Variants in SEMA6D observed in about 807,000 individuals in gnomAD.
SEMA6D encodes the protein semaphorin 6D, also known as semaphorin-6D.
In SEMA6D, 35 loss-of-function variants were observed where a neutral mutation model predicts 106.6. The ratio of observed to expected loss-of-function variants is 0.33; its 90% CI spans 0.25 to 0.44. SEMA6D has a LOEUF of 0.44. SEMA6D is among the 20% of genes least tolerant of loss of function. The pLI is 1.00. For missense variants in SEMA6D, 1,185 were observed against 1,345.9 expected (o/e 0.88, Z 1.87); for synonymous variants, 499 against 487.7 (o/e 1.02, Z -0.31).
At chr15:47,672,166 G>A (rs1415822151) in intron 4 of SEMA6D, among the ~76,000 whole-genome samples, 2 of 152,118 alleles carry the variant, frequency 1.3e-5, no homozygotes, top group Non-Finnish European at 2.9e-5. Flanking sequence ...TAAGCGACTT[G>A]CCAGAGGTCT....
At chr15:47,683,858 C>T (rs1054403265) in intron 4 of SEMA6D, among the ~76,000 whole-genome samples, 8 of 152,096 alleles carry the variant, frequency 5.3e-5, no homozygotes, top group African/African-American at 1.9e-4. Flanking sequence ...GAGTTCAGGC[C>T]TTATAATGTA....
At position 47,771,477 on chromosome 15, in the gene SEMA6D, C is replaced by T. The variant is rs2082625031; in HGVS notation, c.2914C>T (p.His972Tyr). The change falls in exon 19 of 19, where the codon CAC (histidine) becomes TAC (tyrosine). Residue 972 changes from histidine to tyrosine, a missense_variant. His to Tyr is a moderately conservative substitution (Grantham distance 83, BLOSUM62 2). This residue lies in a region of SEMA6D where 750 missense variants were observed against 783.5 expected (regional missense o/e 0.96). Coordinates refer to ENST00000536845, the MANE Select transcript of SEMA6D (RefSeq NM_001358351.3). ...TTATCACAAAAATTCCTCCCAGAGGCACTCTATATCTGCTATGCCTAAAAA... is the reference window on the plus strand; with the variant it reads ...TTATCACAAAAATTCCTCCCAGAGGTACTCTATATCTGCTATGCCTAAAAA... The part of the protein sequence containing the change: ...RGYHKNSSQR[H>Y]SISAMPKNLN... 1 of 1,614,002 alleles carries T rather than the reference C, an allele frequency of 6.2e-7. No individual in the cohort carries two copies. The highest frequency in any genetic ancestry group is 1.3e-5 in the African/African-American group (1 of 74,936).
At chr15:47,231,857 CAT>C (rs2032218157) in intron 1 of SEMA6D, among the ~76,000 whole-genome samples, 2 of 151,962 alleles carry the variant, frequency 1.3e-5, no homozygotes, top group African/African-American at 4.8e-5. Context: ...ATTCACATAA[CAT>C]AAAATTTATC....
At chr15:47,557,949 A>G (rs755249101) in intron 3 of SEMA6D, among the ~76,000 whole-genome samples, 1 of 152,124 alleles carries the variant, frequency 6.6e-6, no homozygotes, top group Non-Finnish European at 1.5e-5. Context: ...TACAATTCTG[A>G]TGAAGCCTAT....
intron 3 of SEMA6D, among the ~76,000 whole-genome samples, chr15:47,567,061 G>A (rs1428786573): frequency 6.6e-6 from 1 of 152,196 alleles, no homozygotes; most frequent in East Asian, 1.9e-4. Flanking sequence ...TCTGCCACCA[G>A]TATTTATAGT....
chr15:47,408,081 T>G (rs572808453), intron 1 of SEMA6D, among the ~76,000 whole-genome samples: 22 of 152,268 alleles, frequency 1.4e-4, no homozygotes, highest in African/African-American at 5.1e-4. Context: ...AAATCCCCTT[T>G]CTCAGTAAAT....
intron 3 of SEMA6D, among the ~76,000 whole-genome samples, chr15:47,497,254 T>C (rs961030747): frequency 2.0e-5 from 3 of 152,086 alleles, no homozygotes; most frequent in Non-Finnish European, 4.4e-5. Flanking sequence ...CCACTTTTAC[T>C]TTGGCATTTT....
chr15:47,765,360 A>G (rs913297477), intron 13 of SEMA6D: 2 of 1,158,018 alleles, frequency 1.7e-6, no homozygotes, highest in Non-Finnish European at 2.1e-6. Context: ...TACATGCAGC[A>G]GACAGCTGTG....
chr15:47,566,902 T>G (rs1469554302), intron 3 of SEMA6D, among the ~76,000 whole-genome samples: 1 of 125,254 alleles, frequency 8.0e-6, no homozygotes, highest in Non-Finnish European at 1.9e-5. Flanking sequence ...TTTGTTTATT[T>G]AAGAATAAAA....
At chr15:47,683,703 C>G (rs1228647883) in intron 4 of SEMA6D, among the ~76,000 whole-genome samples, 1 of 152,166 alleles carries the variant, frequency 6.6e-6, no homozygotes, top group Non-Finnish European at 1.5e-5. Context: ...ATATATAACA[C>G]ACACAAACGA....
intron 3 of SEMA6D, among the ~76,000 whole-genome samples, chr15:47,479,443 A>G (rs2043089765): frequency 6.6e-6 from 1 of 152,142 alleles, no homozygotes. Context: ...GGCTAGACCC[A>G]GTCACTGATA....
chr15:47,277,285 A>G (rs1035339188), intron 1 of SEMA6D, among the ~76,000 whole-genome samples: 1 of 152,166 alleles, frequency 6.6e-6, no homozygotes. Context: ...ATTGACTCCA[A>G]TTTTGAAAGA....
At chr15:47,461,088 G>A (rs779054514) in intron 2 of SEMA6D, among the ~76,000 whole-genome samples, 19 of 152,172 alleles carry the variant, frequency 1.2e-4, no homozygotes, top group African/African-American at 3.9e-4. Flanking sequence ...ATGCCAATGC[G>A]TTTGTACTTG....
At chr15:47,715,574 C>T (rs144855559), upstream of SEMA6D, among the ~76,000 whole-genome samples, 1,946 of 152,244 alleles carry the variant, frequency 0.013, 33 homozygotes, top group African/African-American at 0.044. Flanking sequence ...GGATCGACTC[C>T]GAAGTCTTCA....
intron 1 of SEMA6D, among the ~76,000 whole-genome samples, chr15:47,357,863 A>G (rs2038649601): frequency 6.6e-6 from 1 of 152,220 alleles, no homozygotes; most frequent in South Asian, 2.1e-4. Context: ...CAGAGACTGA[A>G]ACATTTTCAC....
chr15:47,494,248 C>G (rs554910009), intron 3 of SEMA6D, among the ~76,000 whole-genome samples: 2 of 152,178 alleles, frequency 1.3e-5, no homozygotes, highest in South Asian at 4.1e-4. Context: ...TAAACAGCAA[C>G]GGTGCAGTTT....
chr15:47,621,036 A>T (rs1358310822), intron 4 of SEMA6D, among the ~76,000 whole-genome samples: 1 of 152,174 alleles, frequency 6.6e-6, no homozygotes, highest in East Asian at 1.9e-4. Flanking sequence ...CACAACGGGC[A>T]TATAGACTCA....
chr15:47,583,201 G>A (rs555200881), intron 3 of SEMA6D, among the ~76,000 whole-genome samples: 21 of 152,314 alleles, frequency 1.4e-4, no homozygotes, highest in African/African-American at 5.1e-4. Flanking sequence ...AAACACGTGA[G>A]TTCCATGGCC....
chr15:47,196,041 A>G (rs1026587612), intron 1 of SEMA6D, among the ~76,000 whole-genome samples: 36 of 131,424 alleles, frequency 2.7e-4, no homozygotes, highest in African/African-American at 9.6e-4. Context: ...TTTTTTTTGG[A>G]GACGTGAGAA....
Sources: gnomAD v4.1 joint callset for allele counts (sites outside exome capture counted in the v4.1 genomes callset) on GRCh38, gnomAD v4.1.1 for gene constraint, gnomAD v4.1.1 regional missense constraint, MANE v1.5 for transcripts, NCBI Gene and HGNC (gene_info 2026-07-23, HGNC 2026-07-21) for gene names.